The following MYO3B variants were observed in gnomAD, a reference collection of about 807,000 sequenced individuals.
MYO3B encodes the protein myosin IIIB.
A neutral mutation model predicts 174.6 loss-of-function variants in MYO3B; 156 were observed. The observed-to-expected ratio is 0.89, with a 90% CI of 0.78 to 1.02. MYO3B has a LOEUF of 1.02. Ranked by LOEUF, MYO3B falls within the 50% of genes least tolerant of loss-of-function variation. The pLI is 0.00. For missense variants in MYO3B, 1,632 were observed against 1,639.4 expected, an observed-to-expected ratio of 1.00 and a Z score of 0.08; for synonymous variants, 563 against 569.1, an observed-to-expected ratio of 0.99 and a Z score of 0.15.
chr2:170,653,130 T>C lies in MYO3B; in HGVS notation c.*9T>C. 1 of 1,614,116 alleles carries C rather than the reference T, an allele frequency of 6.2e-7. No individual in the cohort carries two copies. The highest frequency in any genetic ancestry group is 8.5e-7 in the Non-Finnish European group (1 of 1,180,008). ...CTTTTGCTCAACATTAAATTGTGCT[T>C]CCTAACCCTAAATCTGTCCAGAGTA... On this transcript the variant is annotated 3_prime_UTR_variant, in exon 35 of 35. Coordinates refer to ENST00000408978, the MANE Select transcript of MYO3B (RefSeq NM_138995.5).
intron 25 of MYO3B, among the ~76,000 whole-genome samples, chr2:170,494,007 G>C (rs1686677637): frequency 6.6e-6 from 1 of 152,248 alleles, no homozygotes; most frequent in Admixed American, 6.5e-5. Context: ...CCCTGGGCCA[G>C]AAATAAGCTG....
intron 23 of MYO3B, among the ~76,000 whole-genome samples, chr2:170,449,171 G>T (rs148680763): frequency 4.6e-5 from 7 of 152,118 alleles, no homozygotes; most frequent in African/African-American, 1.4e-4. Context: ...CCCAGTACAC[G>T]GACTGTGTAG....
At chr2:170,204,422 G>A (rs1199443598) in intron 3 of MYO3B, among the ~76,000 whole-genome samples, 4 of 152,192 alleles carry the variant, frequency 2.6e-5, no homozygotes, top group African/African-American at 7.2e-5. Flanking sequence ...CTACTTGAAC[G>A]TTGGAGCCTA....
At chr2:170,618,563 A>G (rs953502748) in intron 32 of MYO3B, among the ~76,000 whole-genome samples, 1 of 152,146 alleles carries the variant, frequency 6.6e-6, no homozygotes, top group Non-Finnish European at 1.5e-5. Context: ...CCCACAATGC[A>G]ATGGGGCTCT....
chr2:170,212,473 T>G (rs946593398), intron 3 of MYO3B, among the ~76,000 whole-genome samples: 4 of 152,144 alleles, frequency 2.6e-5, no homozygotes, highest in Non-Finnish European at 5.9e-5. Context: ...ACTTTTTGGT[T>G]TGCATGTCAC....
intron 32 of MYO3B, among the ~76,000 whole-genome samples, chr2:170,607,673 C>T (rs1694897232): frequency 6.6e-6 from 1 of 152,174 alleles, no homozygotes; most frequent in South Asian, 2.1e-4. Context: ...ACTGTTTTCA[C>T]CTGGTAATAG....
intron 7 of MYO3B, among the ~76,000 whole-genome samples, chr2:170,273,148 C>T (rs1028130003): frequency 3.9e-5 from 6 of 152,232 alleles, no homozygotes; most frequent in Admixed American, 1.3e-4. Flanking sequence ...AGAGACTACT[C>T]AGCCCGGAGC....
chr2:170,490,028 C>CTTTTTTTTTTTTTTTTTTTTTTTT lies in MYO3B; in HGVS notation c.3015-8561_3015-8560insTTTTTTTTTTTTTTTTTTTTTTTT, dbSNP rs751661221. ...TATTTTTTCATTTTCAGTTTCTTTT[C>CTTTTTTTTTTTTTTTTTTTTTTTT]TTTCTTTTTTTTTTTTTTGAGATGG... On this transcript the variant is annotated intron_variant, in intron 25 of 34. Transcript: ENST00000408978. Among the ~76,000 whole-genome samples, 2 of 145,890 alleles carry CTTTTTTTTTTTTTTTTTTTTTTTT rather than the reference C, an allele frequency of 1.4e-5. 1 individual carries two copies. Among genetic ancestry groups the CTTTTTTTTTTTTTTTTTTTTTTTT allele is most frequent in the African/African-American group, 5.2e-5 (2 of 38,308 alleles).
chr2:170,652,014 A>G, intron 33 of MYO3B, 94 bp from the exon 34 acceptor site: 1 of 1,310,724 alleles, frequency 7.6e-7, no homozygotes, highest in Non-Finnish European at 1.1e-6. Context: ...TGATATTATC[A>G]GCATCTGCTT....
intron 30 of MYO3B, 90 bp from the exon 31 acceptor site, chr2:170,542,816 G>T: frequency 1.0e-6 from 1 of 986,536 alleles, no homozygotes; most frequent in South Asian, 1.8e-5. Flanking sequence ...AGTATGTTTT[G>T]ATATATCTTT....
chr2:170,234,733 T>C (rs1235387189), intron 6 of MYO3B, among the ~76,000 whole-genome samples: 1 of 152,218 alleles, frequency 6.6e-6, no homozygotes, highest in Admixed American at 6.5e-5. Context: ...ATACCAATTC[T>C]ATTCTGGTGG....
chr2:170,631,611 C>A (rs920278742), intron 32 of MYO3B, among the ~76,000 whole-genome samples: 1 of 151,676 alleles, frequency 6.6e-6, no homozygotes, highest in African/African-American at 2.4e-5. Flanking sequence ...GTCAGATACA[C>A]CAAAGTTGAA....
At chr2:170,465,234 G>A (rs1416784154) in intron 24 of MYO3B, among the ~76,000 whole-genome samples, 1 of 152,052 alleles carries the variant, frequency 6.6e-6, no homozygotes, top group Non-Finnish European at 1.5e-5. Flanking sequence ...GGCTCCACAA[G>A]CCTGGCACCA....
chr2:170,620,412 CA>C (rs1695815109), intron 32 of MYO3B, among the ~76,000 whole-genome samples: 1 of 152,212 alleles, frequency 6.6e-6, no homozygotes, highest in African/African-American at 2.4e-5. Flanking sequence ...CTATATTAGG[CA>C]AGTCATCAAA....
At chr2:170,630,351 G>T (rs1332385494) in intron 32 of MYO3B, among the ~76,000 whole-genome samples, 1 of 152,176 alleles carries the variant, frequency 6.6e-6, no homozygotes, top group Admixed American at 6.5e-5. Context: ...TGGTGGAGGG[G>T]TGTCCACCAT....
intron 25 of MYO3B, among the ~76,000 whole-genome samples, chr2:170,488,753 TAGAA>T (rs201742628): frequency 0.018 from 2,763 of 152,284 alleles, 29 homozygotes; most frequent in Non-Finnish European, 0.029. Context: ...AGTTGGAATT[TAGAA>T]AGAGTTGCAA....
intron 25 of MYO3B, among the ~76,000 whole-genome samples, chr2:170,467,701 A>G (rs186516817): frequency 3.9e-5 from 6 of 152,022 alleles, no homozygotes; most frequent in Admixed American, 3.9e-4. Context: ...ACTCTGAAAC[A>G]TGTGCCCAAA....
Position 170,214,730 on chromosome 2 carries a change from G to A in MYO3B, c.428G>A (p.Gly143Asp). The change falls in exon 5 of 35, where the codon GGC becomes GAC. Residue 143 changes from glycine (G) to aspartate (D), a missense_variant and splice_region_variant. Physicochemically the swap from Gly to Asp is moderately conservative, Grantham distance 94. Transcript: ENST00000408978. ...TGGTGGTGGTGGGATGCCATGCAGGGCCTTCAGCATTTGCACAACAACCGA... is the reference window on the plus strand; with the variant it reads ...TGGTGGTGGTGGGATGCCATGCAGGACCTTCAGCATTTGCACAACAACCGA... ...ISYILYGALL[G>D]LQHLHNNRII... is the part of the protein sequence containing the mutation. 3 of 1,613,636 alleles carry A rather than the reference G, an allele frequency of 1.9e-6. No individual in the cohort carries two copies. Among genetic ancestry groups the A allele is most frequent in the Non-Finnish European group, 2.5e-6 (3 of 1,179,596 alleles).
At chr2:170,367,167 G>T (rs754199056) in intron 8 of MYO3B, among the ~76,000 whole-genome samples, 20 of 152,134 alleles carry the variant, frequency 1.3e-4, no homozygotes, top group Non-Finnish European at 2.8e-4. Context: ...GGGACCCCTG[G>T]TCCTTTTGTT....
Sources: allele counts gnomAD v4.1 joint callset (sites outside exome capture counted in the v4.1 genomes callset), GRCh38; gene constraint gnomAD v4.1.1; transcripts MANE v1.5; gene names NCBI Gene and HGNC (gene_info 2026-07-23, HGNC 2026-07-21).